The following RTN1 variants were observed in gnomAD, a reference collection of about 807,000 sequenced individuals.
RTN1 encodes reticulon 1.
In RTN1, 25 loss-of-function variants were observed where a neutral mutation model predicts 65.5. The observed-to-expected ratio is 0.38, with a 90% CI of 0.28 to 0.53. RTN1 has a LOEUF of 0.53. Ranked by LOEUF, RTN1 falls within the 20% of genes least tolerant of loss-of-function variation. The pLI, the probability that RTN1 is intolerant of heterozygous loss-of-function variation, is 0.79. For missense variants in RTN1, 983 were observed against 1,025.4 expected (o/e 0.96, Z 0.57); for synonymous variants, 471 against 447.6 (o/e 1.05, Z -0.66).
chr14:59,628,656 T>C (rs989572931), intron 3 of RTN1, among the ~76,000 whole-genome samples: 3 of 152,190 alleles, frequency 2.0e-5, no homozygotes, highest in Admixed American at 6.6e-5. Flanking sequence ...CTTCAATTAA[T>C]CTTCACAAGT....
rs77047888 is a variant in RTN1, at chr14:59,791,067, G to A, written c.242-44586C>T. ...TTTGTCTTTATTTTCCTTTTCTCAT[G>A]TTCTTTTAAATTTCTTTATAGCGAA... is the stretch of plus-strand genomic sequence containing the variant. On this transcript the variant is annotated intron_variant, in intron 1 of 8. Transcript: ENST00000267484. Among the ~76,000 whole-genome samples, 307 of 151,794 alleles carry A rather than the reference G, an allele frequency of 2.0e-3. 1 individual carries two copies. The highest frequency in any genetic ancestry group is 7.2e-3 in the African/African-American group (299 of 41,358).
In RTN1 at chr14:59,747,844, G is replaced by C. The variant is rs757167125; in HGVS notation, c.242-1363C>G. Among the ~76,000 whole-genome samples the C allele has an allele frequency of 1.1e-4, 17 of 151,748 alleles. 1 individual carries two copies. The highest frequency in any genetic ancestry group is 1.5e-5 in the Non-Finnish European group (1 of 67,946). On this transcript the variant is annotated intron_variant, in intron 1 of 8. Coordinates refer to ENST00000267484, the MANE Select transcript of RTN1 (RefSeq NM_021136.3). ...ACACATATACACAAACACACACACAGTACGTACAATATCAAAGGTCTTAAG... is the reference window on the plus strand; with the variant it reads ...ACACATATACACAAACACACACACACTACGTACAATATCAAAGGTCTTAAG...
intron 1 of RTN1, among the ~76,000 whole-genome samples, chr14:59,797,133 A>T (rs1378841867): frequency 6.6e-6 from 1 of 152,144 alleles, no homozygotes. Flanking sequence ...CCTTTGGAAG[A>T]TTTATTATTT....
In RTN1 at chr14:59,753,580, G is replaced by T. The variant is rs536864174; in HGVS notation, c.242-7099C>A. 5.9e-5 allele frequency among the ~76,000 whole-genome samples: 9 copies of T among 152,266 alleles called. No homozygotes were observed. The South Asian group carries it at 1.9e-3, about 32-fold the overall frequency. ...TTTAAAAATATACATGCATGATATG[G>T]TGCCTATCAGTTAGAACTCTTGTAA... On this transcript the variant is annotated intron_variant, in intron 1 of 8. Coordinates refer to ENST00000267484, the MANE Select transcript of RTN1 (RefSeq NM_021136.3).
At chr14:59,724,778 C>A (rs1200930825) in intron 3 of RTN1, among the ~76,000 whole-genome samples, 1 of 151,838 alleles carries the variant, frequency 6.6e-6, no homozygotes, top group Non-Finnish European at 1.5e-5. Flanking sequence ...TCCTTTCTCA[C>A]CTGCTGAGAC....
At chr14:59,676,666 T>C (rs1046366132) in intron 3 of RTN1, among the ~76,000 whole-genome samples, 46 of 152,228 alleles carry the variant, frequency 3.0e-4, no homozygotes, top group Admixed American at 1.0e-3. Context: ...CTAACCTAAC[T>C]ATCTTCTTTA....
chr14:59,800,429 C>A (rs909743429), intron 1 of RTN1, among the ~76,000 whole-genome samples: 16 of 152,170 alleles, frequency 1.1e-4, no homozygotes, highest in African/African-American at 3.4e-4. Flanking sequence ...GAGTCAGAGT[C>A]TCACTCTGTC....
intron 1 of RTN1, among the ~76,000 whole-genome samples, chr14:59,832,386 G>A (rs982563300): frequency 2.6e-5 from 4 of 151,918 alleles, no homozygotes; most frequent in African/African-American, 7.3e-5. Context: ...CATGGTCCAA[G>A]CCCAAGTGGC....
rs577339178 is a variant in RTN1, at chr14:59,602,427, T to G, written c.2288+638A>C. On this transcript the variant is annotated intron_variant, in intron 8 of 8. Coordinates refer to ENST00000267484, the MANE Select transcript of RTN1 (RefSeq NM_021136.3). The stretch of plus-strand genomic sequence containing the variant: ...TAGTAATGTAAGAATTAGGGAAAAC[T>G]CCTAAGTTTAATGATCATGTTAGCT... Among the ~76,000 whole-genome samples the G allele has an allele frequency of 4.6e-5, 7 of 152,228 alleles. No individual in the cohort carries two copies. In the South Asian group the frequency reaches 1.4e-3, roughly 32 times the overall value.
chr14:59,720,684 T>A (rs572818596), intron 3 of RTN1, among the ~76,000 whole-genome samples: 29 of 149,032 alleles, frequency 1.9e-4, no homozygotes, highest in African/African-American at 7.2e-4. Context: ...ATCGCGCCAC[T>A]GCACTCCAGC....
rs763142843 is a variant in RTN1, at chr14:59,727,171, G to T, written c.1513C>A (p.Arg505=). The T allele has an allele frequency of 1.9e-6, 3 of 1,590,212 alleles. No individual in the cohort carries two copies. The highest frequency in any genetic ancestry group is 2.6e-6 in the Non-Finnish European group (3 of 1,168,376). Residue 505 remains arginine (R), a synonymous_variant, in exon 3 of 9, where the codon CGG becomes AGG. Transcript: ENST00000267484. This position sits in a 1 kb window ranked among gnomAD's most constrained non-coding sequence, Gnocchi z 4.2. ...LDAIREETGV[R]AEERAPSRRG... is the part of the protein sequence containing the mutation. ...CGGCTTGGCGCACGCTCCTCGGCCC[G>T]GACGCCAGTCTCCTCCCGGATGGCA...
chr14:59,867,991 CA>C (rs1328095148), intron 1 of RTN1, among the ~76,000 whole-genome samples: 2 of 151,290 alleles, frequency 1.3e-5, no homozygotes, highest in African/African-American at 4.9e-5. Flanking sequence ...GTTTATAAGC[CA>C]AAAAAAAGTA....
chr14:59,625,745 T>C (rs1882379095), intron 3 of RTN1, among the ~76,000 whole-genome samples: 1 of 152,212 alleles, frequency 6.6e-6, no homozygotes, highest in African/African-American at 2.4e-5. Flanking sequence ...TGTGCCTTCC[T>C]CATTTTTAGA....
intron 3 of RTN1, among the ~76,000 whole-genome samples, chr14:59,671,664 CT>C (rs1883507904): frequency 6.6e-6 from 1 of 152,196 alleles, no homozygotes; most frequent in African/African-American, 2.4e-5. Context: ...CACCAGGACA[CT>C]TTACCACCTA....
intron 1 of RTN1, among the ~76,000 whole-genome samples, chr14:59,869,566 G>A (rs886286005): frequency 6.4e-5 from 7 of 109,510 alleles, no homozygotes; most frequent in African/African-American, 2.7e-4. Flanking sequence ...CAAACCCAGG[G>A]CAATTTCCGG....
intron 3 of RTN1, among the ~76,000 whole-genome samples, chr14:59,706,964 A>AGCTTTCTC (rs1884307730): frequency 2.0e-5 from 3 of 152,194 alleles, no homozygotes; most frequent in Admixed American, 2.0e-4. Context: ...CATACAGTTA[A>AGCTTTCTC]AAGCAACTCC....
In RTN1 at chr14:59,870,464, C is replaced by A; in HGVS notation, c.167G>T (p.Arg56Leu). ...GCCGGCTTCCCGCGACGCCGCTTCC[C>A]GGGCCCTGGCGCCCAACCCCGGGCT... ...EPSPGLGARAREAASREAGSG... is the reference protein window; with the variant it reads ...EPSPGLGARALEAASREAGSG... Residue 56 changes from arginine to leucine, a missense_variant, in exon 1 of 9, where the codon CGG (arginine) becomes CTG (leucine). By Grantham distance (102) the Arg-to-Leu change is moderately radical. Around this residue, in one of 2 missense-constraint regions of RTN1, gnomAD observed 818 missense variants for 801.8 expected, o/e 1.02. Coordinates refer to ENST00000267484, the MANE Select transcript of RTN1 (RefSeq NM_021136.3). This position sits in a 1 kb window ranked among gnomAD's most constrained non-coding sequence, Gnocchi z 5.1. The A allele has an allele frequency of 6.7e-7, 1 of 1,484,392 alleles. No homozygotes were observed. The highest frequency in any genetic ancestry group is 8.9e-7 in the Non-Finnish European group (1 of 1,126,090). 92.0% of individuals were successfully genotyped at this position (1,484,392 alleles called of 1,614,324 possible).
chr14:59,766,413 T>C lies in RTN1; in HGVS notation c.242-19932A>G, dbSNP rs1885851670. Among the ~76,000 whole-genome samples the C allele has an allele frequency of 6.6e-6, 1 of 152,156 alleles. No homozygotes were observed. Among genetic ancestry groups the C allele is most frequent in the South Asian group, 2.1e-4 (1 of 4,828 alleles). Reference sequence around the variant, plus strand: ...ACTTTCTATTTTACCTTTGTTTTTATTATTTTTGCCCCAAACTCATATATA... The same window carrying C: ...ACTTTCTATTTTACCTTTGTTTTTACTATTTTTGCCCCAAACTCATATATA... On this transcript the variant is annotated intron_variant, in intron 1 of 8. Coordinates refer to ENST00000267484, the MANE Select transcript of RTN1 (RefSeq NM_021136.3). The surrounding 1 kb of genome is among the most constrained non-coding windows in gnomAD (Gnocchi z 4.4).
chr14:59,662,267 C>A (rs748950150), intron 3 of RTN1, among the ~76,000 whole-genome samples: 2 of 151,424 alleles, frequency 1.3e-5, no homozygotes, highest in African/African-American at 2.4e-5. Context: ...CCCATTAACT[C>A]GTCATTTACA....
Sources: gnomAD v4.1 joint callset for allele counts (sites outside exome capture counted in the v4.1 genomes callset) on GRCh38, gnomAD v4.1.1 for gene constraint, gnomAD v4.1.1 regional missense constraint, Gnocchi (gnomAD v3.1) non-coding constraint, MANE v1.5 for transcripts, NCBI Gene and HGNC (gene_info 2026-07-23, HGNC 2026-07-21) for gene names.